The following MACROD2 variants were observed in gnomAD, a reference collection of about 807,000 sequenced individuals.
The protein encoded by MACROD2 is ADP-ribose glycohydrolase MACROD2.
A neutral mutation model predicts 70.4 loss-of-function variants in MACROD2; 36 were observed. The observed-to-expected ratio is 0.51, with a 90% confidence interval of 0.39 to 0.68. The LOEUF (loss-of-function observed/expected upper bound fraction) is 0.68. Among genes scored for constraint, MACROD2 ranks in the 30% least tolerant of loss-of-function variants. The pLI, the probability that MACROD2 is intolerant of heterozygous loss-of-function variation, is 0.00. For synonymous variants in MACROD2, 172 were observed against 178.8 expected (o/e 0.96, Z 0.30); for missense variants, 496 against 538.4 (o/e 0.92, Z 0.78).
At chr20:15,461,010 T>A (rs866393417) in intron 7 of MACROD2, among the ~76,000 whole-genome samples, 161 of 72,626 alleles carry the variant, frequency 2.2e-3, no homozygotes, top group South Asian at 6.5e-3. Flanking sequence ...ATATATATTT[T>A]TTTTTAATAG....
intron 3 of MACROD2, among the ~76,000 whole-genome samples, chr20:14,159,042 G>T (rs1300779797): frequency 6.6e-6 from 1 of 152,104 alleles, no homozygotes; most frequent in Non-Finnish European, 1.5e-5. Flanking sequence ...TTTGAGACCA[G>T]CCTGACCAAC....
intron 7 of MACROD2, among the ~76,000 whole-genome samples, chr20:15,432,267 G>A (rs1184873447): frequency 1.3e-5 from 2 of 152,054 alleles, no homozygotes; most frequent in Admixed American, 1.3e-4. Flanking sequence ...GATGTCAAAG[G>A]TAGGAGCTTT....
intron 5 of MACROD2, among the ~76,000 whole-genome samples, chr20:14,868,778 C>T (rs575749130): frequency 6.6e-6 from 1 of 152,222 alleles, no homozygotes; most frequent in African/African-American, 2.4e-5. Flanking sequence ...ATCATGGTTA[C>T]AGGCAGTGTG....
intron 5 of MACROD2, among the ~76,000 whole-genome samples, chr20:14,825,307 G>T (rs917315097): frequency 6.6e-6 from 1 of 152,088 alleles, no homozygotes; most frequent in African/African-American, 2.4e-5. Flanking sequence ...CAAGAAACCT[G>T]GTCCTTTGTG....
chr20:15,422,518 A>G (rs553329255), intron 6 of MACROD2, among the ~76,000 whole-genome samples: 3 of 151,958 alleles, frequency 2.0e-5, no homozygotes, highest in African/African-American at 7.2e-5. Flanking sequence ...TCTCTTCTCC[A>G]TGTTTATAGA....
At chr20:15,501,765 G>GT (rs2047367992) in intron 8 of MACROD2, among the ~76,000 whole-genome samples, 1 of 151,998 alleles carries the variant, frequency 6.6e-6, no homozygotes, top group African/African-American at 2.4e-5. Flanking sequence ...AACATATCAG[G>GT]TTTTTCTAAA....
At chr20:14,322,200 A>ATATATATATATATATATATATG (rs1318380598) in intron 3 of MACROD2, among the ~76,000 whole-genome samples, 1 of 133,186 alleles carries the variant, frequency 7.5e-6, no homozygotes, top group Non-Finnish European at 1.6e-5. Flanking sequence ...ATATATATAT[A>ATATATATATATATATATATATG]TTTTGTATTT....
intron 5 of MACROD2, among the ~76,000 whole-genome samples, chr20:14,918,026 G>A (rs2074114297): frequency 6.6e-6 from 1 of 152,060 alleles, no homozygotes. Flanking sequence ...AGGCTGGAGT[G>A]CAATGGTGCA....
chr20:14,625,380 G>A (rs545959476), intron 4 of MACROD2, among the ~76,000 whole-genome samples: 3 of 152,006 alleles, frequency 2.0e-5, no homozygotes, highest in Non-Finnish European at 4.4e-5. Flanking sequence ...ATAGGAAGTG[G>A]TATATAGATG....
intron 5 of MACROD2, among the ~76,000 whole-genome samples, chr20:14,702,645 ATATACACATATATATG>A (rs1568747585): frequency 1.1e-4 from 8 of 75,476 alleles, no homozygotes; most frequent in Admixed American, 3.3e-4. Flanking sequence ...ATGTATATAT[ATATACACATATATATG>A]TGTATATATA....
intron 3 of MACROD2, among the ~76,000 whole-genome samples, chr20:14,154,829 TAAC>T (rs1300924343): frequency 6.6e-6 from 1 of 152,198 alleles, no homozygotes; most frequent in East Asian, 1.9e-4. Flanking sequence ...GCCTGTATAA[TAAC>T]TCATTTCACT....
In MACROD2 at chr20:15,515,575, T is replaced by G. The variant is rs372380570; in HGVS notation, c.645+15728T>G. ...CACTGACTCAAGGACTGCAATTGTG[T>G]AAATTCATCCATGCATTGTTTTTGT... On this transcript the variant is annotated intron_variant, in intron 8 of 17. Coordinates refer to ENST00000684519, the MANE Select transcript of MACROD2 (RefSeq NM_001351661.2). Among the ~76,000 whole-genome samples the G allele has an allele frequency of 4.0e-4, 61 of 152,386 alleles. 1 individual carries two copies. In the South Asian group the frequency reaches 0.012, roughly 31 times the overall value.
At chr20:14,079,856 A>C (rs1442858376) in intron 2 of MACROD2, among the ~76,000 whole-genome samples, 2 of 152,074 alleles carry the variant, frequency 1.3e-5, no homozygotes, top group African/African-American at 4.8e-5. Context: ...CCCAATCCCT[A>C]GGTCTCAGAC....
chr20:15,006,500 C>T (rs1318292301), intron 5 of MACROD2, among the ~76,000 whole-genome samples: 5 of 151,556 alleles, frequency 3.3e-5, no homozygotes, highest in African/African-American at 1.2e-4. Context: ...ATTCCCACCA[C>T]AAAAAAAGGT....
At chr20:15,591,120 T>G (rs748686234) in intron 8 of MACROD2, among the ~76,000 whole-genome samples, 1 of 152,200 alleles carries the variant, frequency 6.6e-6, no homozygotes, top group Non-Finnish European at 1.5e-5. Context: ...ATGGTCTTCA[T>G]GGTCTGAACT....
At position 15,897,978 on chromosome 20, in the gene MACROD2, G is replaced by C. The variant is rs16996746; in HGVS notation, c.775+12167G>C. Among the ~76,000 whole-genome samples, 588 of 152,280 alleles carry C rather than the reference G, an allele frequency of 3.9e-3. 2 individuals carry two copies. The highest frequency in any genetic ancestry group is 0.023 in the South Asian group (111 of 4,818). ...CACTTGGTTTTCTAAGATACCTGAA[G>C]ATATTACCTTAGCAATACCTTAAAG... On this transcript the variant is annotated intron_variant, in intron 10 of 17. Coordinates refer to ENST00000684519, the MANE Select transcript of MACROD2 (RefSeq NM_001351661.2).
chr20:15,683,242 C>T (rs1457221601), intron 8 of MACROD2, among the ~76,000 whole-genome samples: 1 of 152,162 alleles, frequency 6.6e-6, no homozygotes, highest in Non-Finnish European at 1.5e-5. Flanking sequence ...CTTCTCGTGG[C>T]ACTTACTGTA....
chr20:14,926,184 G>T (rs1225282544), intron 5 of MACROD2, among the ~76,000 whole-genome samples: 3 of 151,876 alleles, frequency 2.0e-5, no homozygotes, highest in Non-Finnish European at 4.4e-5. Flanking sequence ...TTGTTTGTTT[G>T]TTTTTTAATA....
At position 14,167,090 on chromosome 20, in the gene MACROD2, G is replaced by GT. The variant is rs1319213828; in HGVS notation, c.271+81370dup. ...ACTCTTTAACATGTCTTGATTTTCT[G>GT]TTTTTTTTCTCATGTCCCTTTTTTA... On this transcript the variant is annotated intron_variant, in intron 3 of 17. Coordinates refer to ENST00000684519, the MANE Select transcript of MACROD2 (RefSeq NM_001351661.2). Among the ~76,000 whole-genome samples, 39 of 151,642 alleles carry GT rather than the reference G, an allele frequency of 2.6e-4. No individual in the cohort carries two copies. In the East Asian group the frequency reaches 5.4e-3, roughly 21 times the overall value.
Sources: allele counts gnomAD v4.1 joint callset (sites outside exome capture counted in the v4.1 genomes callset), GRCh38; gene constraint gnomAD v4.1.1; transcripts MANE v1.5; gene names NCBI Gene and HGNC (gene_info 2026-07-23, HGNC 2026-07-21).